WBP1L: variants seen among roughly 807,000 people sequenced by gnomAD.
WBP1L encodes WW domain binding protein 1 like.
WBP1L carries 17 observed loss-of-function variants against 33.7 expected under a neutral mutation model. The ratio of observed to expected loss-of-function variants is 0.50; its 90% CI spans 0.34 to 0.76. WBP1L has a LOEUF of 0.76. WBP1L is among the 30% of genes least tolerant of loss of function. The pLI, the probability that WBP1L is intolerant of heterozygous loss-of-function variation, is 0.01. For synonymous variants in WBP1L, 173 were observed against 190.8 expected (o/e 0.91, Z 0.77); for missense variants, 389 against 469.4 (o/e 0.83, Z 1.58).
In WBP1L at chr10:102,814,155, T is replaced by C. The variant is rs1023856987; in HGVS notation, c.*824T>C. On this transcript the variant is annotated 3_prime_UTR_variant, in exon 4 of 4. Coordinates refer to ENST00000448841, the MANE Select transcript of WBP1L (RefSeq NM_001083913.2). ...ATGACGTTTGTGGCTCTTTCCCAAG[T>C]TGGCCTTCAAAGAGCCTGCCTGCTG... 1.3e-5 allele frequency: 2 copies of C among 152,238 alleles called. No homozygotes were observed. Among genetic ancestry groups the C allele is most frequent in the Non-Finnish European group, 2.9e-5 (2 of 68,050 alleles). The allele number at this position is 152,238 out of a possible 1,614,324, so 9.4% of individuals were successfully genotyped here.
chr10:102,801,058 TACAC>T (rs146235018), intron 2 of WBP1L, among the ~76,000 whole-genome samples: 1 of 151,988 alleles, frequency 6.6e-6, no homozygotes, highest in Non-Finnish European at 1.5e-5. Flanking sequence ...CACACATACT[TACAC>T]ACACACACGG....
chr10:102,768,162 C>T (rs946692104), intron 1 of WBP1L, among the ~76,000 whole-genome samples: 3 of 152,144 alleles, frequency 2.0e-5, no homozygotes, highest in African/African-American at 7.2e-5. Flanking sequence ...CCTCCGCCTC[C>T]TGGGTTCAAG....
intron 1 of WBP1L, among the ~76,000 whole-genome samples, chr10:102,791,478 A>G (rs866789958): frequency 3.3e-5 from 5 of 152,186 alleles, no homozygotes; most frequent in Middle Eastern, 3.4e-3. Flanking sequence ...GTGTTAAATG[A>G]TTTGGAGAAC....
chr10:102,760,356 C>G (rs1352852248), intron 1 of WBP1L, among the ~76,000 whole-genome samples: 2 of 128,366 alleles, frequency 1.6e-5, no homozygotes, highest in Non-Finnish European at 3.3e-5. Context: ...TTCCTTGTTT[C>G]TTTCTTTCTT....
At chr10:102,798,339 C>T (rs1486015626) in intron 2 of WBP1L, among the ~76,000 whole-genome samples, 2 of 152,182 alleles carry the variant, frequency 1.3e-5, no homozygotes, top group Non-Finnish European at 2.9e-5. Context: ...AAGCTCTTGC[C>T]TGAGGTTCTC....
intron 1 of WBP1L, among the ~76,000 whole-genome samples, chr10:102,769,308 T>C (rs753527498): frequency 3.9e-5 from 6 of 152,174 alleles, no homozygotes; most frequent in Non-Finnish European, 5.9e-5. Flanking sequence ...AAAAACCTTC[T>C]TTGGCCATTC....
chr10:102,761,173 T>TC (rs1403172747), intron 1 of WBP1L, among the ~76,000 whole-genome samples: 2 of 147,214 alleles, frequency 1.4e-5, no homozygotes, highest in Non-Finnish European at 3.0e-5. Context: ...GGAGTCTCAC[T>TC]CTGCTGCCCA....
chr10:102,787,111 C>T (rs1198721246), intron 1 of WBP1L, among the ~76,000 whole-genome samples: 1 of 152,226 alleles, frequency 6.6e-6, no homozygotes, highest in African/African-American at 2.4e-5. Context: ...CATAAAAATC[C>T]ATTCCTAGTG....
intron 1 of WBP1L, among the ~76,000 whole-genome samples, chr10:102,764,989 T>C (rs1590171331): frequency 6.6e-6 from 1 of 152,192 alleles, no homozygotes; most frequent in African/African-American, 2.4e-5. Context: ...AGTTAGACCA[T>C]GGCCCAGCTC....
rs148205687 is a variant in WBP1L, at chr10:102,754,682, C to T, written c.90+10539C>T. Among the ~76,000 whole-genome samples the T allele has an allele frequency of 4.8e-3, 737 of 152,066 alleles. 6 individuals are homozygous for T. Among genetic ancestry groups the T allele is most frequent in the African/African-American group, 3.8e-3 (157 of 41,482 alleles). On this transcript the variant is annotated intron_variant, in intron 1 of 3. Coordinates refer to ENST00000448841, the MANE Select transcript of WBP1L (RefSeq NM_001083913.2). ...TGCTGGGCTTACAGGCATGAGACACCGCGGCAGGCCCCTTTTTACATTTTT... is the reference window on the plus strand; with the variant it reads ...TGCTGGGCTTACAGGCATGAGACACTGCGGCAGGCCCCTTTTTACATTTTT...
chr10:102,749,078 C>T (rs764847880), intron 1 of WBP1L, among the ~76,000 whole-genome samples: 3 of 152,138 alleles, frequency 2.0e-5, no homozygotes, highest in African/African-American at 4.8e-5. Context: ...GCCTTTCATC[C>T]ATTCATCTAA....
intron 2 of WBP1L, among the ~76,000 whole-genome samples, chr10:102,798,626 T>C (rs1843606704): frequency 6.6e-6 from 1 of 152,192 alleles, no homozygotes; most frequent in Admixed American, 6.5e-5. Context: ...GGTTTCACCG[T>C]ATTGGCCAAG....
intron 2 of WBP1L, among the ~76,000 whole-genome samples, chr10:102,803,537 G>A (rs1843686565): frequency 6.6e-6 from 1 of 151,806 alleles, no homozygotes; most frequent in Non-Finnish European, 1.5e-5. Context: ...GTAGTCTCTT[G>A]GTAGGTGTGT....
At chr10:102,791,182 A>G (rs899177120) in intron 1 of WBP1L, among the ~76,000 whole-genome samples, 3 of 152,166 alleles carry the variant, frequency 2.0e-5, no homozygotes, top group Admixed American at 1.3e-4. Flanking sequence ...TTTCTAGGTC[A>G]ACTGGAAAGG....
chr10:102,785,355 T>C (rs1374430936), intron 1 of WBP1L, among the ~76,000 whole-genome samples: 2 of 151,678 alleles, frequency 1.3e-5, no homozygotes, highest in African/African-American at 4.8e-5. Context: ...GCCCAGCTAA[T>C]TTTTTGTATT....
intron 1 of WBP1L, among the ~76,000 whole-genome samples, chr10:102,770,126 A>G (rs894756340): frequency 4.0e-4 from 61 of 152,206 alleles, no homozygotes; most frequent in African/African-American, 1.4e-3. Context: ...GCATTCCCCA[A>G]AATTATTACT....
chr10:102,804,061 C>T (rs896518273), intron 2 of WBP1L: 3 of 152,066 alleles, frequency 2.0e-5, no homozygotes, highest in Non-Finnish European at 4.4e-5. Context: ...GAACTTTCTT[C>T]CTTGGTTTTG....
At chr10:102,781,275 G>C (rs924924247) in intron 1 of WBP1L, among the ~76,000 whole-genome samples, 1 of 152,180 alleles carries the variant, frequency 6.6e-6, no homozygotes. Context: ...GGAGAGGGAA[G>C]GGGGGGAATT....
intron 1 of WBP1L, among the ~76,000 whole-genome samples, chr10:102,759,167 G>T (rs566597715): frequency 1.3e-5 from 2 of 152,248 alleles, no homozygotes; most frequent in African/African-American, 2.4e-5. Flanking sequence ...TCCCTTTCGC[G>T]GTCTGCTAAG....
Sources: gnomAD v4.1 joint callset for allele counts (sites outside exome capture counted in the v4.1 genomes callset) on GRCh38, gnomAD v4.1.1 for gene constraint, MANE v1.5 for transcripts, NCBI Gene and HGNC (gene_info 2026-07-23, HGNC 2026-07-21) for gene names.